Variants in IL1RAPL2 observed in about 807,000 individuals in gnomAD.
The protein encoded by IL1RAPL2 is interleukin 1 receptor accessory protein like 2, also known as X-linked interleukin-1 receptor accessory protein-like 2.
A neutral mutation model predicts 44.1 loss-of-function variants in IL1RAPL2; 3 were observed. That is an observed-to-expected ratio of 0.07 (90% CI 0.03 to 0.18). The LOEUF (loss-of-function observed/expected upper bound fraction) is 0.18, where lower values mean the gene tolerates loss of function less well. Ranked by LOEUF, IL1RAPL2 falls within the 10% of genes least tolerant of loss-of-function variation. IL1RAPL2 has a pLI of 1.00. For missense variants in IL1RAPL2, 391 were observed against 496.4 expected, an observed-to-expected ratio of 0.79 and a Z score of 2.02; for synonymous variants, 181 against 178.8, an observed-to-expected ratio of 1.01 and a Z score of -0.10.
At chrX:104,641,161 C>T (rs755232767) in intron 1 of IL1RAPL2, among the ~76,000 whole-genome samples, 14 of 111,767 alleles carry the variant, frequency 1.3e-4, no homozygotes, top group Non-Finnish European at 2.4e-4. Flanking sequence ...ACGCTTCAGG[C>T]CTGCAGGTGG....
intron 2 of IL1RAPL2, among the ~76,000 whole-genome samples, chrX:105,112,758 A>G (rs1278825974): frequency 8.8e-6 from 1 of 113,014 alleles, no homozygotes; most frequent in Non-Finnish European, 1.9e-5. Context: ...ACATGTGCGA[A>G]TGCAGGCATC....
At position 104,622,698 on chromosome X, in the gene IL1RAPL2, G is replaced by A. The variant is rs1929423209; in HGVS notation, c.-19-36197G>A. Among the ~76,000 whole-genome samples, 3 of 110,561 alleles carry A rather than the reference G, an allele frequency of 2.7e-5. No homozygotes were observed. In the Admixed American group the frequency reaches 2.9e-4, roughly 11 times the overall value. On this transcript the variant is annotated intron_variant, in intron 1 of 10. Coordinates refer to ENST00000372582, the MANE Select transcript of IL1RAPL2 (RefSeq NM_017416.2). ...GCTGTGATATAGAGTGAGTCTCATT[G>A]GCTTACACAGGATATAACTGCAATT...
intron 3 of IL1RAPL2, among the ~76,000 whole-genome samples, chrX:105,196,086 G>T (rs1030200947): frequency 2.7e-5 from 3 of 110,375 alleles, no homozygotes; most frequent in Non-Finnish European, 5.7e-5. Context: ...GTTCAAGACC[G>T]GCCTGACCAA....
At chrX:105,102,670 T>C (rs1367410905) in intron 2 of IL1RAPL2, among the ~76,000 whole-genome samples, 3 of 111,922 alleles carry the variant, frequency 2.7e-5, no homozygotes, top group African/African-American at 9.7e-5. Context: ...TATGTGTATA[T>C]ATATAAAGTG....
At chrX:104,582,676 C>CTTTCTT (rs1928403007) in intron 1 of IL1RAPL2, among the ~76,000 whole-genome samples, 7 of 67,741 alleles carry the variant, frequency 1.0e-4, no homozygotes. Flanking sequence ...TTTTTTCTTT[C>CTTTCTT]TCTTTCTTTC....
intron 6 of IL1RAPL2, among the ~76,000 whole-genome samples, chrX:105,700,713 G>T (rs1408730038): frequency 9.0e-6 from 1 of 111,323 alleles, no homozygotes; most frequent in Non-Finnish European, 1.9e-5. Flanking sequence ...TCTAGAACTT[G>T]TTTATTAGAC....
chrX:104,735,634 A>G (rs1931999574), intron 2 of IL1RAPL2, among the ~76,000 whole-genome samples: 1 of 111,697 alleles, frequency 9.0e-6, no homozygotes, highest in South Asian at 3.7e-4. Context: ...TCTTTAGAAG[A>G]ATAACTCAGT....
intron 6 of IL1RAPL2, among the ~76,000 whole-genome samples, chrX:105,588,041 TATTA>T (rs2037141675): frequency 8.9e-6 from 1 of 111,788 alleles, no homozygotes; most frequent in Admixed American, 9.5e-5. Context: ...TGTCTCAAAA[TATTA>T]ATTAATTACA....
intron 5 of IL1RAPL2, among the ~76,000 whole-genome samples, chrX:105,387,069 C>T (rs2035481410): frequency 9.0e-6 from 1 of 111,272 alleles, no homozygotes; most frequent in Non-Finnish European, 1.9e-5. Flanking sequence ...TGTGCACTTA[C>T]TGATATAATG....
At chrX:104,834,142 G>A in intron 2 of IL1RAPL2, among the ~76,000 whole-genome samples, 1 of 111,599 alleles carries the variant, frequency 9.0e-6, no homozygotes, top group Non-Finnish European at 1.9e-5. Context: ...CAACTCCTAA[G>A]TAATTACTGA....
intron 3 of IL1RAPL2, among the ~76,000 whole-genome samples, chrX:105,232,287 G>A (rs377009547): frequency 5.4e-5 from 6 of 111,619 alleles, no homozygotes; most frequent in Admixed American, 9.5e-5. Context: ...GCATGATGTC[G>A]GGGATATAAA....
intron 2 of IL1RAPL2, among the ~76,000 whole-genome samples, chrX:104,819,976 G>C (rs1384904344): frequency 9.0e-6 from 1 of 111,004 alleles, no homozygotes. Context: ...CCATAAACGT[G>C]TGTTTTTAAA....
intron 2 of IL1RAPL2, among the ~76,000 whole-genome samples, chrX:104,719,866 T>C (rs1220688076): frequency 1.8e-5 from 2 of 111,643 alleles, no homozygotes; most frequent in African/African-American, 6.5e-5. Context: ...CACCGCATAA[T>C]GTCCCTGATT....
At chrX:105,243,770 C>T (rs2034196123) in intron 4 of IL1RAPL2, among the ~76,000 whole-genome samples, 1 of 109,493 alleles carries the variant, frequency 9.1e-6, no homozygotes, top group African/African-American at 3.3e-5. Flanking sequence ...ACAAAGCATG[C>T]ATTGTATGCC....
intron 1 of IL1RAPL2, among the ~76,000 whole-genome samples, chrX:104,637,780 G>A (rs921907125): frequency 3.0e-5 from 1 of 32,939 alleles, no homozygotes; most frequent in East Asian, 1.1e-3. Context: ...TTTTGTGTAT[G>A]TGTGTGTGTG....
At chrX:105,142,397 A>G (rs777547763) in intron 2 of IL1RAPL2, among the ~76,000 whole-genome samples, 1 of 111,285 alleles carries the variant, frequency 9.0e-6, no homozygotes, top group Non-Finnish European at 1.9e-5. Flanking sequence ...TCATTTCTCC[A>G]GCAACCTCCA....
chrX:105,272,552 T>C (rs1436358979), intron 5 of IL1RAPL2, among the ~76,000 whole-genome samples: 4 of 112,143 alleles, frequency 3.6e-5, no homozygotes, highest in Non-Finnish European at 7.5e-5. Context: ...TTGGAGACTT[T>C]TCACACATTA....
chrX:104,888,706 G>A (rs928682350), intron 2 of IL1RAPL2, among the ~76,000 whole-genome samples: 3 of 111,089 alleles, frequency 2.7e-5, no homozygotes, highest in African/African-American at 9.8e-5. Context: ...TTCTGCTTAC[G>A]TTGCCACTCC....
At chrX:105,230,069 T>A (rs1473199377) in intron 3 of IL1RAPL2, among the ~76,000 whole-genome samples, 1 of 112,281 alleles carries the variant, frequency 8.9e-6, no homozygotes, top group Non-Finnish European at 1.9e-5. Context: ...AGTGCTGGGA[T>A]TACAGGCGTG....
Sources: gnomAD v4.1 joint callset for allele counts (sites outside exome capture counted in the v4.1 genomes callset) on GRCh38, gnomAD v4.1.1 for gene constraint, MANE v1.5 for transcripts, NCBI Gene and HGNC (gene_info 2026-07-23, HGNC 2026-07-21) for gene names.